BMPR1B: variants seen among roughly 807,000 people sequenced by gnomAD.
BMPR1B encodes the protein bone morphogenetic protein receptor type-1B.
Under a neutral mutation model 59.1 loss-of-function variants are expected in BMPR1B, and 12 were observed. The ratio of observed to expected loss-of-function variants is 0.20; its 90% CI spans 0.13 to 0.33. BMPR1B has a LOEUF of 0.33. BMPR1B is among the 10% of genes least tolerant of loss of function. BMPR1B has a pLI of 1.00. For synonymous variants in BMPR1B, 237 were observed against 207.3 expected (o/e 1.14, Z -1.23); for missense variants, 550 against 610.9 (o/e 0.90, Z 1.05).
At chr4:94,932,438 TA>T (rs1320546169) in intron 2 of BMPR1B, among the ~76,000 whole-genome samples, 1 of 152,190 alleles carries the variant, frequency 6.6e-6, no homozygotes, top group Non-Finnish European at 1.5e-5. Context: ...TGAAACACTT[TA>T]AAAAAGTTGG....
At chr4:95,151,399 G>T (rs1171510391) in intron 11 of BMPR1B, among the ~76,000 whole-genome samples, 1 of 152,174 alleles carries the variant, frequency 6.6e-6, no homozygotes, top group African/African-American at 2.4e-5. Flanking sequence ...TGTTTCCAGG[G>T]CCATGGTCCT....
At chr4:94,926,325 C>T (rs537049044) in intron 2 of BMPR1B, among the ~76,000 whole-genome samples, 15 of 151,954 alleles carry the variant, frequency 9.9e-5, no homozygotes, top group Admixed American at 8.5e-4. Context: ...TGGTCTTATC[C>T]GTAAAGACCA....
At chr4:95,086,528 T>C (rs1466160038) in intron 3 of BMPR1B, among the ~76,000 whole-genome samples, 1 of 152,228 alleles carries the variant, frequency 6.6e-6, no homozygotes, top group Non-Finnish European at 1.5e-5. Flanking sequence ...GAATATTTTA[T>C]TGTTGTTCAA....
intron 1 of BMPR1B, among the ~76,000 whole-genome samples, chr4:94,863,775 A>G (rs1224354939): frequency 1.3e-5 from 2 of 152,218 alleles, no homozygotes; most frequent in African/African-American, 2.4e-5. Flanking sequence ...TAATTATACA[A>G]ATGAAAGAGG....
chr4:95,001,360 A>G (rs779301438), intron 3 of BMPR1B, among the ~76,000 whole-genome samples: 145,436 of 152,144 alleles, frequency 0.96, 69,543 homozygotes, highest in Middle Eastern at 0.99. Context: ...AAGAATTAAG[A>G]TGGTATTTCT....
At chr4:95,039,419 TTC>T (rs1316408717) in intron 3 of BMPR1B, among the ~76,000 whole-genome samples, 4 of 98,758 alleles carry the variant, frequency 4.1e-5, no homozygotes, top group African/African-American at 1.2e-4. Flanking sequence ...ATTTTACTTC[TTC>T]TTTTTTTTTT....
rs375904518 is a variant in BMPR1B, at chr4:94,905,038, G to A, written c.-113+29138G>A. ...TGGCAAACACCATGAGAATTGTTTT[G>A]GATAAATTATTTGAAAATAGATGTC... is the stretch of plus-strand genomic sequence containing the variant. On this transcript the variant is annotated intron_variant, in intron 2 of 12. Coordinates refer to ENST00000515059, the MANE Select transcript of BMPR1B (RefSeq NM_001203.3). Among the ~76,000 whole-genome samples, 43 of 151,956 alleles carry A rather than the reference G, an allele frequency of 2.8e-4. No homozygotes were observed. The East Asian group carries it at 5.2e-3, about 19-fold the overall frequency.
At chr4:94,982,385 C>A (rs1435544329) in intron 2 of BMPR1B, among the ~76,000 whole-genome samples, 1 of 152,020 alleles carries the variant, frequency 6.6e-6, no homozygotes, top group African/African-American at 2.4e-5. Context: ...CAGGTGAAAT[C>A]TTTATCTTCC....
chr4:95,069,837 C>T (rs1306705791), intron 3 of BMPR1B, among the ~76,000 whole-genome samples: 5 of 152,300 alleles, frequency 3.3e-5, no homozygotes, highest in African/African-American at 7.2e-5. Flanking sequence ...TGATGGCTCA[C>T]GCCTGTAATC....
At chr4:94,768,681 G>A (rs1201149655) in intron 1 of BMPR1B, among the ~76,000 whole-genome samples, 3 of 151,996 alleles carry the variant, frequency 2.0e-5, no homozygotes, top group Non-Finnish European at 4.4e-5. Flanking sequence ...AGAGTAAGTG[G>A]AATGATGATT....
intron 2 of BMPR1B, among the ~76,000 whole-genome samples, chr4:94,985,658 G>T (rs566256657): frequency 2.0e-5 from 3 of 151,958 alleles, no homozygotes; most frequent in African/African-American, 7.3e-5. Flanking sequence ...ATTTTGCTGA[G>T]ATTTGTTCCT....
intron 1 of BMPR1B, among the ~76,000 whole-genome samples, chr4:94,808,424 A>G (rs1286593714): frequency 1.3e-5 from 2 of 152,206 alleles, no homozygotes; most frequent in African/African-American, 4.8e-5. Flanking sequence ...ACTGAATGTT[A>G]GATCCTGCTT....
intron 1 of BMPR1B, among the ~76,000 whole-genome samples, chr4:94,860,299 A>T (rs184029701): frequency 5.2e-4 from 79 of 152,340 alleles, no homozygotes; most frequent in Admixed American, 5.2e-3. Flanking sequence ...AAAACCGAGT[A>T]TTTAGAAGCA....
At chr4:94,772,825 G>A (rs1405617896) in intron 1 of BMPR1B, among the ~76,000 whole-genome samples, 1 of 151,972 alleles carries the variant, frequency 6.6e-6, no homozygotes, top group East Asian at 1.9e-4. Flanking sequence ...GTGTATTCTG[G>A]AGGCTTGTTA....
intron 10 of BMPR1B, among the ~76,000 whole-genome samples, chr4:95,136,201 T>C (rs1379681645): frequency 6.6e-6 from 1 of 152,164 alleles, no homozygotes; most frequent in Non-Finnish European, 1.5e-5. Flanking sequence ...ACTACATTTA[T>C]TGATTATGTT....
At chr4:95,015,677 C>G (rs1050277843) in intron 3 of BMPR1B, among the ~76,000 whole-genome samples, 1 of 151,332 alleles carries the variant, frequency 6.6e-6, no homozygotes, top group African/African-American at 2.4e-5. Context: ...CGTGAATCAC[C>G]ATGCCTAGCC....
At chr4:94,788,249 C>T (rs1292873420) in intron 1 of BMPR1B, among the ~76,000 whole-genome samples, 1 of 152,104 alleles carries the variant, frequency 6.6e-6, no homozygotes, top group Non-Finnish European at 1.5e-5. Flanking sequence ...TCACTTTGAG[C>T]TTATGACAGT....
intron 2 of BMPR1B, among the ~76,000 whole-genome samples, chr4:94,880,542 C>T (rs866355133): frequency 1.6e-4 from 25 of 151,932 alleles, no homozygotes; most frequent in African/African-American, 6.0e-4. Flanking sequence ...CCAGGCTGGT[C>T]TCGAACTTCT....
chr4:95,104,267 A>G lies in BMPR1B; in HGVS notation c.-17-141A>G, dbSNP rs1731036172. 4 of 1,000,732 alleles carry G rather than the reference A, an allele frequency of 4.0e-6. 1 individual carries two copies. In the South Asian group the frequency reaches 6.6e-5, roughly 16 times the overall value. 62.0% of individuals were successfully genotyped at this position (1,000,732 alleles called of 1,614,324 possible). ...TAAAAGACATGATTTTAATCAAAAT[A>G]CCAAAATGTCTGTTTTTCTGTTTAA... On this transcript the variant is annotated intron_variant, in intron 3 of 12. Coordinates refer to ENST00000515059, the MANE Select transcript of BMPR1B (RefSeq NM_001203.3).
Sources: allele counts gnomAD v4.1 joint callset (sites outside exome capture counted in the v4.1 genomes callset), GRCh38; gene constraint gnomAD v4.1.1; transcripts MANE v1.5; gene names NCBI Gene and HGNC (gene_info 2026-07-23, HGNC 2026-07-21).